The following LDAH variants were observed in gnomAD, a reference collection of about 807,000 sequenced individuals.
The protein encoded by LDAH is lipid droplet-associated hydrolase.
In LDAH, 26 loss-of-function variants were observed where a neutral mutation model predicts 29.6. The ratio of observed to expected loss-of-function variants is 0.88; its 90% confidence interval spans 0.64 to 1.22. LDAH has a LOEUF of 1.22. LDAH is among the 50% of genes most tolerant of loss of function. The pLI, the probability that LDAH is intolerant of heterozygous loss-of-function variation, is 0.00. For synonymous variants in LDAH, 117 were observed against 133.0 expected (o/e 0.88, Z 0.83); for missense variants, 344 against 387.3 (o/e 0.89, Z 0.94).
chr2:20,744,608 T>C (rs1667443083), intron 4 of LDAH, among the ~76,000 whole-genome samples: 1 of 152,170 alleles, frequency 6.6e-6, no homozygotes, highest in Admixed American at 6.5e-5. Flanking sequence ...AGCTAACTAA[T>C]TTCTCCTGGG....
chr2:20,735,981 C>T (rs1269679126), intron 5 of LDAH, among the ~76,000 whole-genome samples: 3 of 152,126 alleles, frequency 2.0e-5, no homozygotes, highest in Admixed American at 6.5e-5. Flanking sequence ...AAAGTCTTCG[C>T]TCTCTACTCA....
intron 4 of LDAH, among the ~76,000 whole-genome samples, chr2:20,765,961 A>C (rs1669004261): frequency 6.6e-6 from 1 of 152,182 alleles, no homozygotes; most frequent in Non-Finnish European, 1.5e-5. Flanking sequence ...GAGGAATGAC[A>C]AAAAAATCTG....
intron 4 of LDAH, among the ~76,000 whole-genome samples, chr2:20,759,456 CCTGCTAGG>C (rs1172992488): frequency 6.6e-6 from 1 of 152,110 alleles, no homozygotes; most frequent in Non-Finnish European, 1.5e-5. Flanking sequence ...TCATTTAGTG[CCTGCTAGG>C]CTTTTTCCAT....
intron 4 of LDAH, among the ~76,000 whole-genome samples, chr2:20,743,068 G>T (rs1667307850): frequency 6.6e-6 from 1 of 151,506 alleles, no homozygotes; most frequent in Admixed American, 6.6e-5. Flanking sequence ...AGGCCTATTT[G>T]GTGCACTTAG....
At chr2:20,687,422 A>G (rs1662646601) in intron 6 of LDAH, among the ~76,000 whole-genome samples, 1 of 152,252 alleles carries the variant, frequency 6.6e-6, no homozygotes, top group African/African-American at 2.4e-5. Context: ...GAGGATGACG[A>G]AGACAGTTAT....
intron 2 of LDAH, among the ~76,000 whole-genome samples, chr2:20,793,025 A>C (rs1408935159): frequency 6.6e-6 from 1 of 152,172 alleles, no homozygotes; most frequent in Non-Finnish European, 1.5e-5. Flanking sequence ...TATCATCATC[A>C]AGTAAATGAT....
At chr2:20,729,100 T>C (rs13405443) in intron 5 of LDAH, among the ~76,000 whole-genome samples, 2,094 of 152,220 alleles carry the variant, frequency 0.014, 47 homozygotes, top group African/African-American at 0.047. Flanking sequence ...TTGCCTTGGA[T>C]TGGGGAGGGA....
chr2:20,711,358 C>A (rs1335530942), intron 5 of LDAH, among the ~76,000 whole-genome samples: 19 of 151,084 alleles, frequency 1.3e-4, no homozygotes, highest in African/African-American at 4.4e-4. Context: ...GCACTCTAGC[C>A]TCGGCGACAG....
At chr2:20,741,043 A>G (rs907270455) in intron 4 of LDAH, among the ~76,000 whole-genome samples, 1 of 152,138 alleles carries the variant, frequency 6.6e-6, no homozygotes, top group African/African-American at 2.4e-5. Flanking sequence ...GCATCTTCTC[A>G]TATGTTTATT....
intron 4 of LDAH, among the ~76,000 whole-genome samples, chr2:20,756,031 CT>C (rs552853609): frequency 1.3e-4 from 20 of 151,568 alleles, no homozygotes; most frequent in Admixed American, 2.0e-4. Flanking sequence ...GTGCCTCATT[CT>C]TTTTTTCTTT....
intron 1 of LDAH, among the ~76,000 whole-genome samples, chr2:20,805,764 G>A (rs1303739068): frequency 6.6e-6 from 1 of 151,910 alleles, no homozygotes; most frequent in Non-Finnish European, 1.5e-5. Context: ...TAGATAATTT[G>A]ACTAGTATAA....
intron 5 of LDAH, among the ~76,000 whole-genome samples, chr2:20,705,225 C>T (rs188326931): frequency 2.6e-3 from 400 of 152,334 alleles, no homozygotes; most frequent in African/African-American, 9.3e-3. Flanking sequence ...TTATTATCTT[C>T]CAGCATCCAA....
Position 20,686,956 on chromosome 2 carries a change from C to T in LDAH, c.925G>A (p.Glu309Lys), listed in dbSNP as rs756771411. The T allele has an allele frequency of 2.5e-6, 4 of 1,614,038 alleles. No individual in the cohort carries two copies. The highest frequency in any genetic ancestry group is 3.3e-5 in the Admixed American group (2 of 60,010). ...PHAFITHFNQ[E>K]MADMIADSLK... ...GAGTCAGCAATCATGTCTGCCATTT[C>T]CTGGTTAAAATGGGTGATGAAAGCA... Residue 309 changes from glutamate to lysine, a missense_variant, in exon 7 of 7, where the codon GAA becomes AAA. By Grantham distance (56) the Glu-to-Lys change is moderately conservative. Transcript: ENST00000237822.
rs778695105 is a variant in LDAH at position 20,687,132 on chromosome 2, GT to G, written c.787-39del. On this transcript the variant is annotated intron_variant, in intron 6 of 6. Transcript: ENST00000237822. Reference sequence around the variant, plus strand: ...ACAAAAACCTTTTATTAGAAAACACGTTCCCTTCCTGACACAGATATGACAC... The same window carrying G: ...ACAAAAACCTTTTATTAGAAAACACGTCCCTTCCTGACACAGATATGACAC... 3 of 1,552,430 alleles carry G rather than the reference GT, an allele frequency of 1.9e-6. No homozygotes were observed. The South Asian group carries it at 3.5e-5, about 18-fold the overall frequency.
chr2:20,785,247 A>G (rs1670469899), intron 3 of LDAH, among the ~76,000 whole-genome samples: 1 of 152,172 alleles, frequency 6.6e-6, no homozygotes. Flanking sequence ...TCCAGCAACT[A>G]ATTTCCTCAG....
At chr2:20,776,438 T>C (rs895617786) in intron 3 of LDAH, among the ~76,000 whole-genome samples, 4 of 152,180 alleles carry the variant, frequency 2.6e-5, no homozygotes, top group Non-Finnish European at 5.9e-5. Context: ...ACAATTCAGG[T>C]CTTGCTTATC....
intron 2 of LDAH, among the ~76,000 whole-genome samples, chr2:20,800,244 G>C (rs976790864): frequency 6.6e-6 from 1 of 152,188 alleles, no homozygotes; most frequent in Non-Finnish European, 1.5e-5. Context: ...TAAAGGAAGA[G>C]ACTTAGCATT....
intron 6 of LDAH, among the ~76,000 whole-genome samples, chr2:20,701,031 C>A (rs576498758): frequency 7.9e-5 from 12 of 152,248 alleles, no homozygotes; most frequent in African/African-American, 2.9e-4. Context: ...ATATACTAAA[C>A]CCTACTCTTA....
chr2:20,742,231 G>T (rs551546056), intron 4 of LDAH, among the ~76,000 whole-genome samples: 1 of 152,126 alleles, frequency 6.6e-6, no homozygotes, highest in Non-Finnish European at 1.5e-5. Flanking sequence ...GTCTATCTTG[G>T]TGAATGTTCC....
Sources: gnomAD v4.1 joint callset for allele counts (sites outside exome capture counted in the v4.1 genomes callset) on GRCh38, gnomAD v4.1.1 for gene constraint, MANE v1.5 for transcripts, NCBI Gene and HGNC (gene_info 2026-07-23, HGNC 2026-07-21) for gene names.